FMNL2: variants seen among roughly 807,000 people sequenced by gnomAD.
The protein encoded by FMNL2 is formin-like protein 2.
FMNL2 carries 51 observed loss-of-function variants against 130.2 expected under a neutral mutation model. That is an observed-to-expected ratio of 0.39 (90% CI 0.31 to 0.49). The LOEUF is 0.49. FMNL2 is among the 20% of genes least tolerant of loss of function. The pLI is 0.85. For synonymous variants in FMNL2, 465 were observed against 467.1 expected (o/e 1.00, Z 0.06); for missense variants, 977 against 1,316.2 (o/e 0.74, Z 3.99).
At chr2:152,600,258 C>T (rs1697979934) in intron 9 of FMNL2, among the ~76,000 whole-genome samples, 1 of 152,024 alleles carries the variant, frequency 6.6e-6, no homozygotes, top group South Asian at 2.1e-4. Flanking sequence ...TCACAGGGGC[C>T]TATTGTAAGA....
chr2:152,637,151 A>G (rs1323524640), intron 22 of FMNL2, among the ~76,000 whole-genome samples: 1 of 152,206 alleles, frequency 6.6e-6, no homozygotes, highest in African/African-American at 2.4e-5. Context: ...TGAGGCTGTC[A>G]TAGGGAGTGT....
intron 1 of FMNL2, among the ~76,000 whole-genome samples, chr2:152,456,922 G>A (rs1688988847): frequency 6.9e-6 from 1 of 145,902 alleles, no homozygotes. Flanking sequence ...TGATGACAGA[G>A]TGAGACTCCC....
At chr2:152,374,592 C>G (rs1373151016) in intron 1 of FMNL2, among the ~76,000 whole-genome samples, 1 of 152,032 alleles carries the variant, frequency 6.6e-6, no homozygotes, top group Non-Finnish European at 1.5e-5. Flanking sequence ...ATTTTAATGG[C>G]TTAAAAAAAT....
intron 4 of FMNL2, among the ~76,000 whole-genome samples, chr2:152,550,342 C>G (rs1317885787): frequency 1.3e-5 from 2 of 152,132 alleles, no homozygotes; most frequent in Admixed American, 1.3e-4. Context: ...AGGTTTTTCA[C>G]CTTGAGAATG....
chr2:152,421,112 C>T (rs539905443), intron 1 of FMNL2, among the ~76,000 whole-genome samples: 7 of 152,268 alleles, frequency 4.6e-5, no homozygotes, highest in Admixed American at 2.0e-4. Context: ...TGCCCAGCCC[C>T]GCCACCCTAA....
intron 5 of FMNL2, among the ~76,000 whole-genome samples, chr2:152,559,500 C>T (rs1394172784): frequency 1.3e-5 from 2 of 152,190 alleles, no homozygotes; most frequent in Non-Finnish European, 1.5e-5. Flanking sequence ...GACGGGGTTT[C>T]ACCATGTTGG....
chr2:152,360,154 C>T (rs1289251046), intron 1 of FMNL2, among the ~76,000 whole-genome samples: 3 of 152,102 alleles, frequency 2.0e-5, no homozygotes, highest in Non-Finnish European at 2.9e-5. Context: ...AGGGGGTTTT[C>T]GAAGCCACAA....
At chr2:152,407,867 A>G (rs562822273) in intron 1 of FMNL2, among the ~76,000 whole-genome samples, 1 of 152,362 alleles carries the variant, frequency 6.6e-6, no homozygotes, top group South Asian at 2.1e-4. Context: ...CCACTGCAGT[A>G]CCTGGCACAC....
At chr2:152,563,732 TCTC>T (rs1477111472) in intron 6 of FMNL2, among the ~76,000 whole-genome samples, 1 of 152,170 alleles carries the variant, frequency 6.6e-6, no homozygotes, top group Non-Finnish European at 1.5e-5. Context: ...CTGATTGTCT[TCTC>T]CTCTTCTACT....
At chr2:152,473,706 A>G (rs1689974881) in intron 1 of FMNL2, among the ~76,000 whole-genome samples, 2 of 152,222 alleles carry the variant, frequency 1.3e-5, no homozygotes, top group African/African-American at 4.8e-5. Flanking sequence ...CATATTGCAT[A>G]TGCAGACCCA....
At chr2:152,451,682 C>G (rs547446981) in intron 1 of FMNL2, among the ~76,000 whole-genome samples, 1 of 152,054 alleles carries the variant, frequency 6.6e-6, no homozygotes, top group South Asian at 2.1e-4. Context: ...GAGGTCAGCC[C>G]GCTTGCTCCG....
intron 6 of FMNL2, among the ~76,000 whole-genome samples, chr2:152,572,905 T>C (rs1396913784): frequency 6.6e-6 from 1 of 152,180 alleles, no homozygotes; most frequent in African/African-American, 2.4e-5. Context: ...TGATGAAGAA[T>C]TGATTAATGT....
chr2:152,625,534 A>G lies in FMNL2; in HGVS notation c.1934A>G (p.Asn645Ser), dbSNP rs1322775780. Residue 645 changes from asparagine (N) to serine (S), a missense_variant, in exon 16 of 26, where the codon AAT (asparagine) becomes AGT (serine). By Grantham distance (46) the Asn-to-Ser change is conservative (BLOSUM62 1). Around this residue, in one of 4 missense-constraint regions of FMNL2, gnomAD observed 689 missense variants for 995.9 expected, o/e 0.69. Transcript: ENST00000288670. ...KPNQINGTVF[N>S]EIDDERILED... ...AATCAGATCAATGGCACAGTCTTCA[A>G]TGAAATTGATGATGAGCGAATTCTG... is the stretch of plus-strand genomic sequence containing the variant. 1.2e-6 allele frequency: 2 copies of G among 1,606,588 alleles called. No homozygotes were observed. The highest frequency in any genetic ancestry group is 1.1e-5 in the South Asian group (1 of 90,726).
In FMNL2 at chr2:152,582,765, A is replaced by G. The variant is rs563852869; in HGVS notation, c.876+1716A>G. Among the ~76,000 whole-genome samples the G allele has an allele frequency of 9.7e-4, 147 of 152,324 alleles. 2 individuals are homozygous for G. The highest frequency in any genetic ancestry group is 2.5e-3 in the Admixed American group (39 of 15,306). ...AGTATGTGCAGCTCATATAACGCCC[A>G]AATCTTTATCATTAGGTCATATTTG... On this transcript the variant is annotated intron_variant, in intron 9 of 25. Transcript: ENST00000288670.
chr2:152,452,409 C>T (rs753618013), intron 1 of FMNL2, among the ~76,000 whole-genome samples: 5 of 152,146 alleles, frequency 3.3e-5, no homozygotes, highest in Non-Finnish European at 7.3e-5. Flanking sequence ...GTCCTGGAGT[C>T]GCCATTGGAA....
chr2:152,646,605 A>G (rs1683592465), intron 25 of FMNL2, among the ~76,000 whole-genome samples: 1 of 151,972 alleles, frequency 6.6e-6, no homozygotes, highest in African/African-American at 2.4e-5. Context: ...GGCACAGTGG[A>G]GCAAACATTC....
At chr2:152,392,603 A>C (rs972841606) in intron 1 of FMNL2, among the ~76,000 whole-genome samples, 1 of 152,220 alleles carries the variant, frequency 6.6e-6, no homozygotes, top group Admixed American at 6.5e-5. Flanking sequence ...CAAGTCATCC[A>C]AATGCGGAGT....
At chr2:152,482,842 A>G (rs1475153790) in intron 1 of FMNL2, among the ~76,000 whole-genome samples, 1 of 152,154 alleles carries the variant, frequency 6.6e-6, no homozygotes. Context: ...ACTCTTTGAC[A>G]TAATTATAAA....
chr2:152,348,720 G>C (rs1471546302), intron 1 of FMNL2, among the ~76,000 whole-genome samples: 1 of 151,996 alleles, frequency 6.6e-6, no homozygotes, highest in Non-Finnish European at 1.5e-5. Flanking sequence ...TTTTTTGTTG[G>C]AGTGAGGTAA....
Sources: allele counts gnomAD v4.1 joint callset (sites outside exome capture counted in the v4.1 genomes callset), GRCh38; gene constraint gnomAD v4.1.1; regional missense constraint gnomAD v4.1.1; transcripts MANE v1.5; gene names NCBI Gene and HGNC (gene_info 2026-07-23, HGNC 2026-07-21).